The following HFM1 variants were observed in gnomAD, a reference collection of about 807,000 sequenced individuals.
HFM1 encodes helicase for meiosis 1, also known as probable ATP-dependent DNA helicase HFM1.
In HFM1, 169 loss-of-function variants were observed where a neutral mutation model predicts 192.1. That is an observed-to-expected ratio of 0.88 (90% CI 0.78 to 1.00). HFM1 has a LOEUF of 1.00. Among genes scored for constraint, HFM1 ranks in the 50% least tolerant of loss-of-function variants. The pLI, the probability that HFM1 is intolerant of heterozygous loss-of-function variation, is 0.00. For missense variants in HFM1, 1,661 were observed against 1,668.0 expected (o/e 1.00, Z 0.07); for synonymous variants, 525 against 537.8 (o/e 0.98, Z 0.33).
chr1:91,261,380 T>TA, intron 38 of HFM1, 21 bp from the exon 39 acceptor site: 1 of 1,142,434 alleles, frequency 8.8e-7, no homozygotes, highest in Non-Finnish European at 1.2e-6. Flanking sequence ...GAAGAAAAAG[T>TA]AAAAATAACT....
At chr1:91,291,167 C>T (rs971126678) in intron 30 of HFM1, among the ~76,000 whole-genome samples, 37 of 152,100 alleles carry the variant, frequency 2.4e-4, no homozygotes, top group African/African-American at 8.2e-4. Context: ...CAAACACATT[C>T]AAAAGCTAGC....
intron 30 of HFM1, among the ~76,000 whole-genome samples, chr1:91,293,447 A>T (rs1464855394): frequency 6.6e-6 from 1 of 152,188 alleles, no homozygotes; most frequent in African/African-American, 2.4e-5. Context: ...CACATGAAAA[A>T]AGGCTCACCA....
At position 91,315,976 on chromosome 1, in the gene HFM1, TA is replaced by T; in HGVS notation, c.2983-5del. ...TCGTATCACTATATCTTGTAATCTTTAAAAAAGGACAAGTATAAAAAGTGTT... is the reference window on the plus strand; with the variant it reads ...TCGTATCACTATATCTTGTAATCTTTAAAAAGGACAAGTATAAAAAGTGTT... On this transcript the variant is annotated splice_polypyrimidine_tract_variant and splice_region_variant and intron_variant, in intron 27 of 38. Coordinates refer to ENST00000370425, the MANE Select transcript of HFM1 (RefSeq NM_001017975.6). 6.3e-7 allele frequency: 1 copy of T among 1,575,344 alleles called. No individual in the cohort carries two copies. The highest frequency in any genetic ancestry group is 8.7e-7 in the Non-Finnish European group (1 of 1,149,408).
At chr1:91,292,214 G>A (rs1570814170) in intron 30 of HFM1, among the ~76,000 whole-genome samples, 1 of 150,236 alleles carries the variant, frequency 6.7e-6, no homozygotes, top group East Asian at 1.9e-4. Context: ...CAATTAGGCA[G>A]GAGAAGGAAA....
intron 20 of HFM1, among the ~76,000 whole-genome samples, chr1:91,342,847 T>C (rs1655550135): frequency 6.6e-6 from 1 of 152,136 alleles, no homozygotes; most frequent in Admixed American, 6.5e-5. Flanking sequence ...AGTATATCTA[T>C]AATAGTTATA....
At position 91,329,156 on chromosome 1, in the gene HFM1, G is replaced by A. The variant is rs1217450218; in HGVS notation, c.2336-4390C>T. On this transcript the variant is annotated intron_variant, in intron 20 of 38. Coordinates refer to ENST00000370425, the MANE Select transcript of HFM1 (RefSeq NM_001017975.6). ...AGCACAAGAGCATCGAGGAGATCGT[G>A]CAGCGACTTGACCCCAACAAGTACC... The A allele has an allele frequency of 6.2e-6, 10 of 1,609,580 alleles. No individual in the cohort carries two copies. In the East Asian group the frequency reaches 2.2e-4, roughly 36 times the overall value.
chr1:91,325,946 T>C (rs1015960414), intron 20 of HFM1, among the ~76,000 whole-genome samples: 1 of 150,282 alleles, frequency 6.7e-6, no homozygotes, highest in Non-Finnish European at 1.5e-5. Flanking sequence ...AATCCTAGAG[T>C]TGGAAAAATG....
intron 30 of HFM1, among the ~76,000 whole-genome samples, chr1:91,287,385 C>A (rs573441889): frequency 6.6e-6 from 1 of 152,096 alleles, no homozygotes; most frequent in Non-Finnish European, 1.5e-5. Context: ...TGGGAGGCAC[C>A]CCCTAGCAGG....
intron 20 of HFM1, chr1:91,328,668 G>C: frequency 6.3e-7 from 1 of 1,596,720 alleles, no homozygotes; most frequent in South Asian, 1.1e-5. Flanking sequence ...AGTCAGGCGA[G>C]CTGGCCAAAT....
At chr1:91,305,545 A>T (rs1649469889) in intron 30 of HFM1, among the ~76,000 whole-genome samples, 1 of 152,102 alleles carries the variant, frequency 6.6e-6, no homozygotes. Context: ...GTTGCTTAGA[A>T]ATAATGACAA....
intron 23 of HFM1, among the ~76,000 whole-genome samples, chr1:91,319,773 C>G (rs1393735421): frequency 6.6e-6 from 1 of 152,134 alleles, no homozygotes; most frequent in Non-Finnish European, 1.5e-5. Flanking sequence ...CAATACAGAT[C>G]TATCTTTTGG....
chr1:91,308,441 T>C (rs958845905), intron 30 of HFM1, among the ~76,000 whole-genome samples: 1 of 152,206 alleles, frequency 6.6e-6, no homozygotes, highest in Non-Finnish European at 1.5e-5. Flanking sequence ...AATCTCTTTA[T>C]AGATTTTAAT....
chr1:91,297,775 C>T (rs1234760484), intron 30 of HFM1, among the ~76,000 whole-genome samples: 10 of 152,224 alleles, frequency 6.6e-5, no homozygotes, highest in Non-Finnish European at 1.3e-4. Context: ...GACATCCACA[C>T]CAAAACCCCA....
rs557980035 is a variant in HFM1 at position 91,331,716 on chromosome 1, C to T, written c.2336-6950G>A. On this transcript the variant is annotated intron_variant, in intron 20 of 38. Coordinates refer to ENST00000370425, the MANE Select transcript of HFM1 (RefSeq NM_001017975.6). ...TTTGAGACTAGCCTGGCCAACATGGCGAAACCCTGTCTCTAGTAAAAATAC... is the reference window on the plus strand; with the variant it reads ...TTTGAGACTAGCCTGGCCAACATGGTGAAACCCTGTCTCTAGTAAAAATAC... 4.1e-3 allele frequency among the ~76,000 whole-genome samples: 626 copies of T among 152,098 alleles called. 2 individuals carry two copies. Among genetic ancestry groups the T allele is most frequent in the African/African-American group, 0.014 (598 of 41,484 alleles).
intron 30 of HFM1, among the ~76,000 whole-genome samples, chr1:91,277,657 AAT>A (rs1557766411): frequency 1.5e-5 from 2 of 131,624 alleles, no homozygotes; most frequent in South Asian, 4.3e-4. Flanking sequence ...AATATATACT[AAT>A]ATATATAATA....
intron 20 of HFM1, among the ~76,000 whole-genome samples, chr1:91,342,132 T>TG (rs1655427681): frequency 4.4e-4 from 1 of 2,250 alleles, no homozygotes; most frequent in Non-Finnish European, 8.4e-4. Context: ...AGAGACACAA[T>TG]GAAAAAAAAA....
At chr1:91,387,674 C>A (rs562744771) in intron 4 of HFM1, among the ~76,000 whole-genome samples, 35 of 149,110 alleles carry the variant, frequency 2.3e-4, no homozygotes, top group African/African-American at 8.2e-4. Context: ...GAACAAAAAA[C>A]CAAACACCGC....
intron 4 of HFM1, among the ~76,000 whole-genome samples, chr1:91,388,969 A>G (rs1662581002): frequency 1.3e-5 from 2 of 152,124 alleles, no homozygotes. Context: ...CAATTAAAAT[A>G]TGGACAAAGG....
chr1:91,341,620 AC>A (rs1435098189), intron 20 of HFM1, among the ~76,000 whole-genome samples: 1 of 152,134 alleles, frequency 6.6e-6, no homozygotes, highest in Non-Finnish European at 1.5e-5. Context: ...GAGACACAGA[AC>A]CACACAAATG....
Sources: gnomAD v4.1 joint callset for allele counts (sites outside exome capture counted in the v4.1 genomes callset) on GRCh38, gnomAD v4.1.1 for gene constraint, MANE v1.5 for transcripts, NCBI Gene and HGNC (gene_info 2026-07-23, HGNC 2026-07-21) for gene names.